The following SETD1A variants were observed in gnomAD, a reference collection of about 807,000 sequenced individuals.
The protein encoded by SETD1A is histone-lysine N-methyltransferase SETD1A.
Under a neutral mutation model 149.9 loss-of-function variants are expected in SETD1A, and 29 were observed. The observed-to-expected ratio is 0.19, with a 90% CI of 0.14 to 0.26. SETD1A has a LOEUF of 0.26. SETD1A is among the 10% of genes least tolerant of loss of function. The probability of loss-of-function intolerance (pLI) is 1.00; values close to 1 mark genes in which losing one functional copy is unlikely to be tolerated. For missense variants in SETD1A, 2,109 were observed against 2,353.1 expected, an observed-to-expected ratio of 0.90 and a Z score of 2.15; for synonymous variants, 1,141 against 968.5, an observed-to-expected ratio of 1.18 and a Z score of -3.31.
At chr16:30,981,002 G>T (rs953344086) in intron 16 of SETD1A, 59 bp from the exon 17 acceptor site, 21 of 1,606,530 alleles carry the variant, frequency 1.3e-5, no homozygotes, top group Admixed American at 5.0e-5. Context: ...TCTGTGGGAA[G>T]AGTGAGGGTC....
At position 30,966,997 on chromosome 16, in the gene SETD1A, G is replaced by C. The variant is rs141016327; in HGVS notation, c.2619G>C (p.Thr873=). The C allele has an allele frequency of 6.3e-7, 1 of 1,597,540 alleles. No homozygotes were observed. The highest frequency in any genetic ancestry group is 1.3e-5 in the African/African-American group (1 of 74,912). ...ACTGGGCCAAGAGCGGGGGCACTAC[G>C]GGCATCGAGGCTTTCGCCTTTGGGT... is the stretch of plus-strand genomic sequence containing the variant. ...LVDWAKSGGT[T]GIEAFAFGSG... Residue 873 remains threonine, a synonymous_variant, in exon 9 of 19, where the codon ACG becomes ACC. Coordinates refer to ENST00000262519, the MANE Select transcript of SETD1A (RefSeq NM_014712.3).
In SETD1A at chr16:30,979,644, C is replaced by T. The variant is rs150728823; in HGVS notation, c.3858C>T (p.Ala1286=). The change falls in exon 14 of 19, where the codon GCC becomes GCT. Residue 1286 remains alanine (A), a synonymous_variant. Coordinates refer to ENST00000262519, the MANE Select transcript of SETD1A (RefSeq NM_014712.3). ...AGGCCACAGAGACATCGGACGAGGC[C>T]GAGCGCCCTAGGCCCCTGCTCAGCC... is the stretch of plus-strand genomic sequence containing the variant. ...DSEATETSDE[A]ERPRPLLSHI... The T allele has an allele frequency of 6.6e-4, 1,058 of 1,610,210 alleles. 6 individuals carry two copies. In the East Asian group the frequency reaches 0.017, roughly 25 times the overall value.
In SETD1A at chr16:30,964,944, C is replaced by G; in HGVS notation, c.1202C>G (p.Thr401Arg). The G allele has an allele frequency of 6.2e-7, 1 of 1,614,064 alleles. No homozygotes were observed. The highest frequency in any genetic ancestry group is 8.5e-7 in the Non-Finnish European group (1 of 1,179,924). ...EPPGAPFAEN[T>R]AERFPPSYTS... ...CCTGGAGCCCCTTTTGCTGAAAATA[C>G]AGCTGAGCGCTTCCCACCTTCTTAC... The change falls in exon 7 of 19, where the codon ACA becomes AGA. Residue 401 changes from threonine (T) to arginine (R), a missense_variant. Physicochemically the swap from Thr to Arg is moderately conservative, Grantham distance 71. This residue lies in a region of SETD1A where 410 missense variants were observed against 394.8 expected (regional missense o/e 1.04). Transcript: ENST00000262519.
intron 1 of SETD1A, 54 bp from the exon 2 acceptor site, chr16:30,958,663 G>A: frequency 6.7e-7 from 1 of 1,487,064 alleles, no homozygotes; most frequent in Non-Finnish European, 9.3e-7. Context: ...GGAAAGGCAG[G>A]GGAGTCAGGC....
At position 30,959,141 on chromosome 16, in the gene SETD1A, C is replaced by T. The variant is rs1176424242; in HGVS notation, c.201C>T (p.Val67=). The T allele has an allele frequency of 1.9e-6, 3 of 1,613,746 alleles. No individual in the cohort carries two copies. The highest frequency in any genetic ancestry group is 1.1e-5 in the South Asian group (1 of 91,076). ...VEDLQDPRCH[V]RSKNRDFSLP... is the part of the protein sequence containing the mutation. ...ACCTCCAAGACCCCCGTTGCCATGT[C>T]AGGTCCAAAAACAGAGACTTTTCCC... Residue 67 remains valine (V), a synonymous_variant, in exon 3 of 19, where the codon GTC becomes GTT. Coordinates refer to ENST00000262519, the MANE Select transcript of SETD1A (RefSeq NM_014712.3).
intron 17 of SETD1A, among the ~76,000 whole-genome samples, chr16:30,982,967 G>A (rs1246797721): frequency 1.3e-5 from 2 of 152,184 alleles, no homozygotes; most frequent in African/African-American, 2.4e-5. Context: ...TGGACATGTG[G>A]GGTTGCAATG....
intron 12 of SETD1A, among the ~76,000 whole-genome samples, chr16:30,970,739 C>A (rs2056214181): frequency 6.6e-6 from 1 of 152,184 alleles, no homozygotes; most frequent in South Asian, 2.1e-4. Flanking sequence ...GGTGTCCCCC[C>A]AGGCCAACAC....
Position 30,980,656 on chromosome 16 carries a change from A to C in SETD1A, c.4580A>C (p.Gln1527Pro). The C allele has an allele frequency of 6.2e-7, 1 of 1,612,288 alleles. No individual in the cohort carries two copies. The highest frequency in any genetic ancestry group is 1.7e-5 in the Admixed American group (1 of 59,970). ...SARQLEGVDT[Q>P]GTNRVLSERR... ...CGGCAGCTGGAGGGCGTGGACACTCAGGTGGGCCTAACCCCGCCGCCGCGT... is the reference window on the plus strand; with the variant it reads ...CGGCAGCTGGAGGGCGTGGACACTCCGGTGGGCCTAACCCCGCCGCCGCGT... Residue 1527 changes from glutamine (Q) to proline (P), a missense_variant and splice_region_variant, in exon 15 of 19, where the codon CAG becomes CCG. Gln to Pro is a moderately conservative substitution (Grantham distance 76, BLOSUM62 -1). Transcript: ENST00000262519. This position sits in a 1 kb window ranked among gnomAD's most constrained non-coding sequence, Gnocchi z 7.7.
At chr16:30,967,379 C>G in intron 9 of SETD1A, 122 bp from the exon 10 acceptor site, 2 of 864,620 alleles carry the variant, frequency 2.3e-6, no homozygotes, top group Non-Finnish European at 3.9e-6. Flanking sequence ...GTCTTGAACT[C>G]CTAACCTCAG....
In SETD1A at chr16:30,961,583, G is replaced by A; in HGVS notation, c.517+46G>A. The stretch of plus-strand genomic sequence containing the variant: ...CACTCAGGCTTGGCCTCCAGCGGAG[G>A]TTGTACATGCAAATGCCTGTCAGGG... On this transcript the variant is annotated intron_variant, in intron 4 of 18. Transcript: ENST00000262519. The surrounding 1 kb of genome is among the most constrained non-coding windows in gnomAD (Gnocchi z 4.0). 6.3e-7 allele frequency: 1 copy of A among 1,593,224 alleles called. No homozygotes were observed. The highest frequency in any genetic ancestry group is 1.1e-5 in the South Asian group (1 of 89,202).
chr16:30,958,160 C>G (rs1176448172), intron 1 of SETD1A, 196 bp downstream of exon 1: 1 of 137,720 alleles, frequency 7.3e-6, no homozygotes, highest in African/African-American at 2.5e-5. Flanking sequence ...GCGCGGAGAC[C>G]TGCTGGGGGG....
In SETD1A at chr16:30,957,975, T is replaced by G. The variant is rs2055985794; in HGVS notation, c.-16+11T>G. On this transcript the variant is annotated intron_variant, in intron 1 of 18. Coordinates refer to ENST00000262519, the MANE Select transcript of SETD1A (RefSeq NM_014712.3). ...CTGGGCCTCGCGCAGGTGGCAGTGG[T>G]GTTTGGTGCGCGCGCCGGGGAGGTG... 2.0e-5 allele frequency: 3 copies of G among 151,580 alleles called. No individual in the cohort carries two copies. Among genetic ancestry groups the G allele is most frequent in the Admixed American group, 6.6e-5 (1 of 15,240 alleles). The allele number at this position is 151,580 out of a possible 1,614,324, so 9.4% of individuals were successfully genotyped here.
Position 30,983,669 on chromosome 16 carries a change from A to G in SETD1A, c.4847A>G (p.Gln1616Arg). The stretch of plus-strand genomic sequence containing the variant: ...GACATGCGGGAGAAGCGCTACGTGC[A>G]GGAGGGCATTGGCAGCAGCTACCTG... ...VADMREKRYV[Q>R]EGIGSSYLFR... Residue 1616 changes from glutamine to arginine, a missense_variant, in exon 18 of 19, where the codon CAG (glutamine) becomes CGG (arginine). Around this residue, in one of 8 missense-constraint regions of SETD1A, gnomAD observed 254 missense variants for 409.3 expected, o/e 0.62. Transcript: ENST00000262519. This position sits in a 1 kb window ranked among gnomAD's most constrained non-coding sequence, Gnocchi z 6.8. The G allele has an allele frequency of 6.2e-7, 1 of 1,613,890 alleles. No individual in the cohort carries two copies. The highest frequency in any genetic ancestry group is 2.2e-5 in the East Asian group (1 of 44,868).
intron 3 of SETD1A, among the ~76,000 whole-genome samples, chr16:30,960,041 C>T (rs1305646243): frequency 6.6e-6 from 1 of 152,168 alleles, no homozygotes; most frequent in Non-Finnish European, 1.5e-5. Context: ...GTGATTCTCT[C>T]CTTTTCTCTC....
intron 9 of SETD1A, 122 bp downstream of exon 9, chr16:30,967,182 CT>C: frequency 1.3e-6 from 1 of 742,896 alleles, no homozygotes. Context: ...GAGATGGAGT[CT>C]TACTCTGTTG....
At chr16:30,958,007 G>C (rs2055986864) in intron 1 of SETD1A, 43 bp downstream of exon 1, 1 of 151,820 alleles carries the variant, frequency 6.6e-6, no homozygotes, top group Non-Finnish European at 1.5e-5. Flanking sequence ...GGTGGTGGTG[G>C]GGGGGCGCCG....
At chr16:30,963,951 C>T in intron 5 of SETD1A, 143 bp from the exon 6 acceptor site, 1 of 688,442 alleles carries the variant, frequency 1.5e-6, no homozygotes, top group Non-Finnish European at 2.4e-6. Context: ...GAGATCACGC[C>T]ACTGGACTCC....
Position 30,979,305 on chromosome 16 carries a change from C to A in SETD1A, c.3519C>A (p.Ile1173=). 1.2e-6 allele frequency: 2 copies of A among 1,613,380 alleles called. No individual in the cohort carries two copies. The highest frequency in any genetic ancestry group is 1.7e-6 in the Non-Finnish European group (2 of 1,179,620). The change falls in exon 14 of 19, where the codon ATC becomes ATA. Residue 1173 remains isoleucine (I), a synonymous_variant. Coordinates refer to ENST00000262519, the MANE Select transcript of SETD1A (RefSeq NM_014712.3). ...GGAAAACTGTCTCCTTCTCTGCCATCGAGGTGGTGCCAGCCCCGGAGCCCC... is the reference window on the plus strand; with the variant it reads ...GGAAAACTGTCTCCTTCTCTGCCATAGAGGTGGTGCCAGCCCCGGAGCCCC... ...KRRKTVSFSA[I]EVVPAPEPPP... is the part of the protein sequence containing the mutation.
Position 30,979,390 on chromosome 16 carries a change from G to A in SETD1A, c.3604G>A (p.Gly1202Ser). Residue 1202 changes from glycine to serine, a missense_variant, in exon 14 of 19, where the codon GGC becomes AGC. By Grantham distance (56) the Gly-to-Ser change is moderately conservative. Coordinates refer to ENST00000262519, the MANE Select transcript of SETD1A (RefSeq NM_014712.3). ...PGPASRKAPRGVERTIRNLPL... is the reference protein window; with the variant it reads ...PGPASRKAPRSVERTIRNLPL... ...CCCAGCCTCCCGCAAGGCTCCCCGGGGCGTGGAGCGGACCATCCGCAACCT... is the reference window on the plus strand; with the variant it reads ...CCCAGCCTCCCGCAAGGCTCCCCGGAGCGTGGAGCGGACCATCCGCAACCT... 3.7e-6 allele frequency: 6 copies of A among 1,612,090 alleles called. No homozygotes were observed. The highest frequency in any genetic ancestry group is 5.1e-6 in the Non-Finnish European group (6 of 1,179,364).
Sources: allele counts gnomAD v4.1 joint callset (sites outside exome capture counted in the v4.1 genomes callset), GRCh38; gene constraint gnomAD v4.1.1; regional missense constraint gnomAD v4.1.1; non-coding constraint Gnocchi (gnomAD v3.1); transcripts MANE v1.5; gene names NCBI Gene and HGNC (gene_info 2026-07-23, HGNC 2026-07-21).